The following NDUFAF2 variants were observed in gnomAD, a reference collection of about 807,000 sequenced individuals.
The protein encoded by NDUFAF2 is NADH dehydrogenase [ubiquinone] 1 alpha subcomplex assembly factor 2.
A neutral mutation model predicts 22.8 loss-of-function variants in NDUFAF2; 13 were observed. That is an observed-to-expected ratio of 0.57 (90% CI 0.37 to 0.91). The LOEUF (loss-of-function observed/expected upper bound fraction) is 0.91, where lower values mean the gene tolerates loss of function less well. Among genes scored for constraint, NDUFAF2 ranks in the 40% least tolerant of loss-of-function variants. NDUFAF2 has a pLI of 0.01. For synonymous variants in NDUFAF2, 53 were observed against 64.2 expected, an observed-to-expected ratio of 0.83 and a Z score of 0.84; for missense variants, 162 against 195.2, an observed-to-expected ratio of 0.83 and a Z score of 1.01.
intron 1 of NDUFAF2, among the ~76,000 whole-genome samples, chr5:60,986,952 A>G (rs1242591080): frequency 2.6e-5 from 4 of 151,676 alleles, no homozygotes; most frequent in East Asian, 1.9e-4. Context: ...AAAAAAAAAA[A>G]AAAGAAACAT....
chr5:60,974,305 C>T (rs1435279624), intron 1 of NDUFAF2, among the ~76,000 whole-genome samples: 2 of 152,186 alleles, frequency 1.3e-5, no homozygotes, highest in Admixed American at 6.5e-5. Flanking sequence ...CTTGGACTTA[C>T]ACCAGTGGTT....
At chr5:61,121,830 CTTTTTTTTTTCTTTTT>C (rs1193466811) in intron 3 of NDUFAF2, among the ~76,000 whole-genome samples, 1 of 143,350 alleles carries the variant, frequency 7.0e-6, no homozygotes, top group Non-Finnish European at 1.5e-5. Flanking sequence ...CTTTTCTTTT[CTTTTTTTTTTCTTTTT>C]TTTTTTGACA....
At chr5:61,116,610 C>A (rs1311567391) in intron 3 of NDUFAF2, 1 of 152,170 alleles carries the variant, frequency 6.6e-6, no homozygotes, top group Non-Finnish European at 1.5e-5. Context: ...AACATTCTGA[C>A]AGTTCTAGTC....
chr5:61,035,809 T>TG (rs1350631084), intron 1 of NDUFAF2, among the ~76,000 whole-genome samples: 7 of 152,162 alleles, frequency 4.6e-5, no homozygotes, highest in African/African-American at 1.7e-4. Context: ...TTTTCATTTA[T>TG]AATATAGTCT....
intron 1 of NDUFAF2, among the ~76,000 whole-genome samples, chr5:60,973,918 C>A (rs890369749): frequency 6.6e-6 from 1 of 152,194 alleles, no homozygotes; most frequent in African/African-American, 2.4e-5. Context: ...ATTCTCCCAC[C>A]TCAGCCTCCT....
intron 1 of NDUFAF2, among the ~76,000 whole-genome samples, chr5:61,061,930 CT>C (rs1752169936): frequency 6.6e-6 from 1 of 152,200 alleles, no homozygotes; most frequent in Admixed American, 6.5e-5. Context: ...AGGGAGGCAC[CT>C]GAAGTTATTT....
At chr5:61,008,086 G>A (rs551731578) in intron 1 of NDUFAF2, among the ~76,000 whole-genome samples, 2 of 148,166 alleles carry the variant, frequency 1.3e-5, no homozygotes, top group Non-Finnish European at 3.0e-5. Flanking sequence ...CTCACTCACA[G>A]GTGGGAATTG....
intron 1 of NDUFAF2, among the ~76,000 whole-genome samples, chr5:61,002,681 T>C (rs931148865): frequency 2.6e-5 from 4 of 152,154 alleles, no homozygotes; most frequent in Middle Eastern, 3.2e-3. Context: ...ATATATGCAC[T>C]GTTCAATAAT....
At chr5:61,000,554 C>T (rs1431618259) in intron 1 of NDUFAF2, among the ~76,000 whole-genome samples, 1 of 152,122 alleles carries the variant, frequency 6.6e-6, no homozygotes, top group African/African-American at 2.4e-5. Context: ...TTATCTATCT[C>T]TAACAACAAT....
chr5:61,007,243 G>A (rs928085889), intron 1 of NDUFAF2, among the ~76,000 whole-genome samples: 13 of 151,758 alleles, frequency 8.6e-5, no homozygotes, highest in Non-Finnish European at 1.9e-4. Flanking sequence ...GGTTTTTATG[G>A]TTTTAGGTCT....
chr5:61,098,888 C>T (rs970932611), intron 2 of NDUFAF2, 104 bp from the exon 3 acceptor site: 2 of 729,302 alleles, frequency 2.7e-6, no homozygotes, highest in Non-Finnish European at 4.7e-6. Context: ...ATCTCCAGTA[C>T]CTAAAATAAT....
intron 3 of NDUFAF2, among the ~76,000 whole-genome samples, chr5:61,113,727 A>T (rs970025422): frequency 6.6e-6 from 1 of 152,182 alleles, no homozygotes; most frequent in African/African-American, 2.4e-5. Context: ...CTGAACTGTG[A>T]GTCAATTAAA....
chr5:61,130,626 T>A (rs186865215), intron 3 of NDUFAF2, among the ~76,000 whole-genome samples: 7 of 152,240 alleles, frequency 4.6e-5, no homozygotes, highest in Admixed American at 4.6e-4. Context: ...TTACCTTCCC[T>A]CCCTCTAAAT....
chr5:61,073,103 A>G lies in NDUFAF2; in HGVS notation c.128-22A>G, dbSNP rs148828610. ...GTATCATAGGTTCATTTAAAAATGT[A>G]TTAATGACTTTTGTCTTATAGGACA... On this transcript the variant is annotated intron_variant, in intron 1 of 3. Transcript: ENST00000296597. The G allele has an allele frequency of 1.8e-4, 255 of 1,455,012 alleles. No individual in the cohort carries two copies. The African/African-American group carries it at 3.2e-3, about 18-fold the overall frequency. 90.1% of individuals were successfully genotyped at this position (1,455,012 alleles called of 1,614,324 possible).
At chr5:61,004,163 G>A (rs1751335259) in intron 1 of NDUFAF2, among the ~76,000 whole-genome samples, 1 of 151,986 alleles carries the variant, frequency 6.6e-6, no homozygotes, top group South Asian at 2.1e-4. Context: ...CTATGTGGCT[G>A]TGTTCACTAA....
At chr5:61,122,325 A>G (rs1016741368) in intron 3 of NDUFAF2, among the ~76,000 whole-genome samples, 6 of 152,144 alleles carry the variant, frequency 3.9e-5, no homozygotes, top group Non-Finnish European at 1.5e-5. Flanking sequence ...AAACTTACTA[A>G]TCTTGAGAGT....
chr5:61,036,554 A>G (rs895651767), intron 1 of NDUFAF2, among the ~76,000 whole-genome samples: 3 of 152,202 alleles, frequency 2.0e-5, no homozygotes, highest in Non-Finnish European at 4.4e-5. Flanking sequence ...GGCACATTCA[A>G]ATTAGGTAAT....
At chr5:61,049,557 C>G (rs541976513) in intron 1 of NDUFAF2, among the ~76,000 whole-genome samples, 13 of 152,202 alleles carry the variant, frequency 8.5e-5, no homozygotes, top group Admixed American at 5.9e-4. Flanking sequence ...CTCTTTTTAT[C>G]TTGCAAAGCT....
chr5:60,997,385 T>C (rs928953276), intron 1 of NDUFAF2, among the ~76,000 whole-genome samples: 4 of 152,168 alleles, frequency 2.6e-5, no homozygotes, highest in Admixed American at 1.3e-4. Flanking sequence ...ATTGGAAATA[T>C]TGTAAAAATA....
Sources: gnomAD v4.1 joint callset for allele counts (sites outside exome capture counted in the v4.1 genomes callset) on GRCh38, gnomAD v4.1.1 for gene constraint, MANE v1.5 for transcripts, NCBI Gene and HGNC (gene_info 2026-07-23, HGNC 2026-07-21) for gene names.